SUGCT: variants seen among roughly 807,000 people sequenced by gnomAD.
The protein encoded by SUGCT is succinyl-CoA:glutarate-CoA transferase, also known as succinyl-CoA:glutarate CoA-transferase.
Under a neutral mutation model 55.0 loss-of-function variants are expected in SUGCT, and 41 were observed. That is an observed-to-expected ratio of 0.74 (90% CI 0.58 to 0.97). The LOEUF is 0.97. SUGCT is among the 50% of genes least tolerant of loss of function. The pLI, the probability that SUGCT is intolerant of heterozygous loss-of-function variation, is 0.00. For synonymous variants in SUGCT, 187 were observed against 200.4 expected (o/e 0.93, Z 0.56); for missense variants, 568 against 547.8 (o/e 1.04, Z -0.37).
chr7:40,387,527 T>G (rs1785186116), intron 9 of SUGCT, among the ~76,000 whole-genome samples: 1 of 152,156 alleles, frequency 6.6e-6, no homozygotes, highest in Non-Finnish European at 1.5e-5. Flanking sequence ...AGGAAAGAAG[T>G]TAGATTGTTA....
intron 7 of SUGCT, among the ~76,000 whole-genome samples, chr7:40,268,343 T>G (rs1265732278): frequency 5.9e-5 from 9 of 152,224 alleles, no homozygotes; most frequent in African/African-American, 2.2e-4. Flanking sequence ...TAAATGGAAT[T>G]ATATAATATG....
intron 11 of SUGCT, among the ~76,000 whole-genome samples, chr7:40,491,624 G>C (rs1480134077): frequency 6.6e-6 from 1 of 151,830 alleles, no homozygotes; most frequent in Non-Finnish European, 1.5e-5. Flanking sequence ...AGATGGCTTA[G>C]GTGAGTAAAA....
chr7:40,838,631 T>TTTG (rs1563039623), intron 13 of SUGCT, among the ~76,000 whole-genome samples: 2 of 151,712 alleles, frequency 1.3e-5, no homozygotes, highest in African/African-American at 4.8e-5. Flanking sequence ...ACATCTAGCG[T>TTTG]TTTGTTTGTT....
In SUGCT at chr7:40,749,441, A is replaced by G; in HGVS notation, c.1097A>G (p.His366Arg). 1 of 1,613,742 alleles carries G rather than the reference A, an allele frequency of 6.2e-7. No homozygotes were observed. The highest frequency in any genetic ancestry group is 8.5e-7 in the Non-Finnish European group (1 of 1,179,674). Residue 366 changes from histidine to arginine, a missense_variant, in exon 13 of 14, where the codon CAC becomes CGC. Physicochemically the swap from His to Arg is conservative, Grantham distance 29. Transcript: ENST00000335693. ...KNVFAEPQVL[H>R]NGLVMEMEHP... ...CTGTTTTTGCCTTTTCAGGTATTACACAATGGCCTCGTTATGGAGATGGAG... is the reference window on the plus strand; with the variant it reads ...CTGTTTTTGCCTTTTCAGGTATTACGCAATGGCCTCGTTATGGAGATGGAG...
At chr7:40,497,886 T>G (rs752647657) in intron 12 of SUGCT, among the ~76,000 whole-genome samples, 2 of 151,820 alleles carry the variant, frequency 1.3e-5, no homozygotes, top group East Asian at 3.9e-4. Context: ...ATTAAGTATA[T>G]TCTAACACTA....
intron 13 of SUGCT, among the ~76,000 whole-genome samples, chr7:40,837,668 C>T (rs1035531597): frequency 2.0e-5 from 3 of 152,166 alleles, no homozygotes; most frequent in African/African-American, 7.2e-5. Context: ...ACTGCAACCT[C>T]TGCCTCCTGG....
chr7:40,205,442 G>T (rs1584338622), intron 6 of SUGCT, among the ~76,000 whole-genome samples: 1 of 151,860 alleles, frequency 6.6e-6, no homozygotes, highest in African/African-American at 2.4e-5. Flanking sequence ...AGGAGTTTGA[G>T]ACCAGCCTGG....
chr7:40,669,909 T>C, intron 12 of SUGCT, among the ~76,000 whole-genome samples: 1 of 151,842 alleles, frequency 6.6e-6, no homozygotes, highest in Non-Finnish European at 1.5e-5. Flanking sequence ...TCACCAAATT[T>C]GTTAAGAGAC....
intron 12 of SUGCT, among the ~76,000 whole-genome samples, chr7:40,718,608 A>G (rs1446607807): frequency 1.3e-5 from 2 of 152,234 alleles, no homozygotes; most frequent in Admixed American, 6.5e-5. Flanking sequence ...CTGTTTAATA[A>G]TAGTCCAATA....
intron 13 of SUGCT, chr7:40,808,407 G>A: frequency 6.6e-6 from 1 of 152,414 alleles, no homozygotes; most frequent in Non-Finnish European, 1.5e-5. Flanking sequence ...TGGATTATCT[G>A]CAAAGAGGTA....
At chr7:40,157,775 G>A (rs1369996082) in intron 1 of SUGCT, among the ~76,000 whole-genome samples, 7 of 152,174 alleles carry the variant, frequency 4.6e-5, no homozygotes, top group Admixed American at 6.5e-5. Flanking sequence ...TAGCTCACTC[G>A]TTGATAGGGT....
the SUGCT span, among the ~76,000 whole-genome samples, chr7:41,016,707 A>G: frequency 6.6e-6 from 1 of 152,078 alleles, no homozygotes; most frequent in Non-Finnish European, 1.5e-5. Context: ...TCTGCTCCTC[A>G]TTGTCTAGAT....
intron 13 of SUGCT, among the ~76,000 whole-genome samples, chr7:40,784,009 CTCAA>C (rs1789891863): frequency 6.6e-6 from 1 of 152,136 alleles, no homozygotes; most frequent in Non-Finnish European, 1.5e-5. Context: ...GAGTGTATGA[CTCAA>C]TCAATGACTT....
intron 12 of SUGCT, among the ~76,000 whole-genome samples, chr7:40,558,950 T>G (rs924312441): frequency 1.3e-5 from 2 of 152,214 alleles, no homozygotes; most frequent in Non-Finnish European, 2.9e-5. Flanking sequence ...AGCTGTGAAT[T>G]TTTTAAACAT....
the SUGCT span, among the ~76,000 whole-genome samples, chr7:40,929,664 A>G: frequency 6.6e-6 from 1 of 152,166 alleles, no homozygotes; most frequent in African/African-American, 2.4e-5. Flanking sequence ...CATTTCTCTC[A>G]TGACCAGTGA....
intron 12 of SUGCT, among the ~76,000 whole-genome samples, chr7:40,688,840 A>G (rs1784571317): frequency 6.6e-6 from 1 of 152,172 alleles, no homozygotes; most frequent in South Asian, 2.1e-4. Flanking sequence ...TAAAAGTAGC[A>G]TATTTGTAGG....
chr7:40,366,875 G>A (rs529429213), intron 9 of SUGCT, among the ~76,000 whole-genome samples: 9 of 152,192 alleles, frequency 5.9e-5, no homozygotes, highest in African/African-American at 1.2e-4. Flanking sequence ...CAGGGATCTC[G>A]AACTAGAAAT....
chr7:40,176,141 A>G (rs1300813517), intron 1 of SUGCT, among the ~76,000 whole-genome samples: 1 of 152,064 alleles, frequency 6.6e-6, no homozygotes, highest in African/African-American at 2.4e-5. Context: ...CTGAGGCAGG[A>G]GAATCACTTG....
intron 9 of SUGCT, among the ~76,000 whole-genome samples, chr7:40,367,322 C>G (rs551774852): frequency 1.3e-5 from 2 of 150,812 alleles, no homozygotes; most frequent in African/African-American, 2.4e-5. Flanking sequence ...TGCTAAATGA[C>G]GAGTTAATGG....
Sources: allele counts gnomAD v4.1 joint callset (sites outside exome capture counted in the v4.1 genomes callset), GRCh38; gene constraint gnomAD v4.1.1; transcripts MANE v1.5; gene names NCBI Gene and HGNC (gene_info 2026-07-23, HGNC 2026-07-21).